The following HDX variants were observed in gnomAD, a reference collection of about 807,000 sequenced individuals.
HDX encodes the protein highly divergent homeobox, also known as chromosome X open reading frame 43.
In HDX, 19 loss-of-function variants were observed where a neutral mutation model predicts 45.2. The observed-to-expected ratio is 0.42, with a 90% CI of 0.29 to 0.62. The LOEUF (loss-of-function observed/expected upper bound fraction) is 0.62. HDX is among the 20% of genes least tolerant of loss of function. The pLI, the probability that HDX is intolerant of heterozygous loss-of-function variation, is 0.20. For synonymous variants in HDX, 188 were observed against 172.8 expected (o/e 1.09, Z -0.69); for missense variants, 532 against 493.9 (o/e 1.08, Z -0.73).
chrX:84,335,488 C>T lies in HDX; in HGVS notation c.1740+1313G>A, dbSNP rs149250784. Among the ~76,000 whole-genome samples the T allele has an allele frequency of 5.8e-3, 650 of 111,370 alleles. 1 individual carries two copies. Among genetic ancestry groups the T allele is most frequent in the Non-Finnish European group, 0.011 (569 of 52,850 alleles). On this transcript the variant is annotated intron_variant, in intron 8 of 10. Coordinates refer to ENST00000373177, the MANE Select transcript of HDX (RefSeq NM_001177479.2). ...GACTGTGAGTCATCCCATGCCATGG[C>T]TTCATTCATTATCTCCAAATATCTG...
chrX:84,489,743 C>CA (rs1039780713), intron 1 of HDX, among the ~76,000 whole-genome samples: 4 of 112,082 alleles, frequency 3.6e-5, no homozygotes, highest in African/African-American at 1.3e-4. Context: ...TTACAGGAAG[C>CA]AAATTTTCAT....
At chrX:84,409,176 C>T (rs760033568) in intron 5 of HDX, among the ~76,000 whole-genome samples, 30 of 110,858 alleles carry the variant, frequency 2.7e-4, no homozygotes, top group African/African-American at 9.8e-4. Context: ...CAGTGAGATA[C>T]CATCTCACAC....
In HDX at chrX:84,483,260, A is replaced by C. The variant is rs192996150; in HGVS notation, c.-1+4764T>G. Among the ~76,000 whole-genome samples, 60 of 112,202 alleles carry C rather than the reference A, an allele frequency of 5.3e-4. 1 individual carries two copies. The East Asian group carries it at 0.016, about 30-fold the overall frequency. On this transcript the variant is annotated intron_variant, in intron 2 of 10. Coordinates refer to ENST00000373177, the MANE Select transcript of HDX (RefSeq NM_001177479.2). ...CTATCTGTGTTGGGGCTCCAACCCC[A>C]CATGTCTCTTCCACATTGCCCTAGC...
At chrX:84,489,434 C>T (rs181545670) in intron 1 of HDX, among the ~76,000 whole-genome samples, 2 of 111,259 alleles carry the variant, frequency 1.8e-5, no homozygotes, top group Non-Finnish European at 3.8e-5. Flanking sequence ...ACAGAGCAAG[C>T]GGGGTTTTGG....
intron 5 of HDX, among the ~76,000 whole-genome samples, chrX:84,438,730 A>G (rs2039693158): frequency 9.0e-6 from 1 of 111,426 alleles, no homozygotes; most frequent in African/African-American, 3.3e-5. Context: ...GATTTTATTC[A>G]TTTTTATGAC....
chrX:84,447,788 A>C (rs2039905392), intron 4 of HDX, among the ~76,000 whole-genome samples: 1 of 111,456 alleles, frequency 9.0e-6, no homozygotes, highest in Non-Finnish European at 1.9e-5. Flanking sequence ...ATTGGCTGTA[A>C]TCCTTCTGCC....
intron 5 of HDX, among the ~76,000 whole-genome samples, chrX:84,427,563 T>C (rs2039412180): frequency 9.0e-6 from 1 of 111,401 alleles, no homozygotes; most frequent in Admixed American, 9.6e-5. Context: ...GTATGTGCTC[T>C]CTTTTTAATC....
chrX:84,454,569 A>G (rs908984488), intron 4 of HDX, among the ~76,000 whole-genome samples: 2 of 110,506 alleles, frequency 1.8e-5, no homozygotes, highest in African/African-American at 6.6e-5. Context: ...AGAATAGAAC[A>G]CCAACTAGAT....
intron 2 of HDX, among the ~76,000 whole-genome samples, chrX:84,477,930 C>T (rs1031563087): frequency 9.0e-5 from 10 of 111,284 alleles, no homozygotes; most frequent in Admixed American, 5.7e-4. Flanking sequence ...TATTATGCTA[C>T]CATTCAGCAC....
At chrX:84,425,117 AG>A (rs1672111559) in intron 5 of HDX, among the ~76,000 whole-genome samples, 1 of 111,842 alleles carries the variant, frequency 8.9e-6, no homozygotes, top group Non-Finnish European at 1.9e-5. Flanking sequence ...ACAATTTTAT[AG>A]AAAAAAAATC....
intron 4 of HDX, among the ~76,000 whole-genome samples, chrX:84,445,536 C>G (rs1378881765): frequency 3.6e-5 from 4 of 110,596 alleles, no homozygotes; most frequent in African/African-American, 1.3e-4. Flanking sequence ...TTATTATTCA[C>G]TAGCTGTAAT....
At chrX:84,470,607 C>T (rs1028370891) in intron 3 of HDX, among the ~76,000 whole-genome samples, 2 of 110,622 alleles carry the variant, frequency 1.8e-5, no homozygotes, top group Admixed American at 1.9e-4. Context: ...AAATTTTATA[C>T]AATAAATATA....
chrX:84,465,743 A>T (rs540753286), intron 4 of HDX, among the ~76,000 whole-genome samples: 1 of 111,729 alleles, frequency 9.0e-6, no homozygotes, highest in Middle Eastern at 4.7e-3. Context: ...TGGGTGCAGC[A>T]AACTACTATG....
At position 84,460,919 on chromosome X, in the gene HDX, C is replaced by A. The variant is rs148403079; in HGVS notation, c.1251+7553G>T. 9.0e-3 allele frequency among the ~76,000 whole-genome samples: 1,002 copies of A among 111,151 alleles called. 16 individuals carry two copies. The highest frequency in any genetic ancestry group is 0.037 in the Admixed American group (388 of 10,420). On this transcript the variant is annotated intron_variant, in intron 4 of 10. Coordinates refer to ENST00000373177, the MANE Select transcript of HDX (RefSeq NM_001177479.2). ...AACAGCAAACATTCTGGAAAGTAAT[C>A]CCATTTACAATAGCTACAAAAATAA...
At chrX:84,482,007 G>C (rs1569370349) in intron 2 of HDX, among the ~76,000 whole-genome samples, 3 of 111,363 alleles carry the variant, frequency 2.7e-5, no homozygotes. Context: ...TTGGGATAAT[G>C]GCCTCCAGCT....
chrX:84,333,662 A>T (rs1489614095), intron 9 of HDX, 97 bp downstream of exon 9: 2 of 417,326 alleles, frequency 4.8e-6, no homozygotes, highest in Non-Finnish European at 8.6e-6. Flanking sequence ...AGAGCCTTAG[A>T]ATGCTTAACT....
intron 5 of HDX, among the ~76,000 whole-genome samples, chrX:84,382,539 G>T (rs978940271): frequency 1.2e-4 from 13 of 111,733 alleles, no homozygotes; most frequent in Admixed American, 9.5e-4. Flanking sequence ...TCAGTCATTT[G>T]CAAGAACATG....
chrX:84,325,160 G>C (rs1237969316), intron 10 of HDX, among the ~76,000 whole-genome samples: 2 of 110,534 alleles, frequency 1.8e-5, no homozygotes, highest in Non-Finnish European at 3.8e-5. Context: ...TTTCAATTTT[G>C]TGGTTCAGCA....
chrX:84,472,241 T>A (rs925993154), intron 3 of HDX, among the ~76,000 whole-genome samples: 21 of 111,398 alleles, frequency 1.9e-4, no homozygotes, highest in Non-Finnish European at 4.0e-4. Flanking sequence ...TATACATACA[T>A]ATGCATATTA....
Sources: gnomAD v4.1 joint callset for allele counts (sites outside exome capture counted in the v4.1 genomes callset) on GRCh38, gnomAD v4.1.1 for gene constraint, MANE v1.5 for transcripts, NCBI Gene and HGNC (gene_info 2026-07-23, HGNC 2026-07-21) for gene names.